The following PDE1C variants were observed in gnomAD, a reference collection of about 807,000 sequenced individuals.
PDE1C encodes the protein dual specificity calcium/calmodulin-dependent 3',5'-cyclic nucleotide phosphodiesterase 1C.
A neutral mutation model predicts 93.1 loss-of-function variants in PDE1C; 62 were observed. That is an observed-to-expected ratio of 0.67 (90% CI 0.54 to 0.82). The LOEUF is 0.82. Ranked by LOEUF, PDE1C falls within the 40% of genes least tolerant of loss-of-function variation. The pLI is 0.00. For synonymous variants in PDE1C, 325 were observed against 310.1 expected (o/e 1.05, Z -0.50); for missense variants, 742 against 884.6 (o/e 0.84, Z 2.04).
At chr7:31,977,041 C>T (rs1181012508) in intron 2 of PDE1C, among the ~76,000 whole-genome samples, 4 of 152,164 alleles carry the variant, frequency 2.6e-5, no homozygotes, top group East Asian at 3.9e-4. Flanking sequence ...TTTAACAAGC[C>T]TTTCAATGAT....
intron 1 of PDE1C, among the ~76,000 whole-genome samples, chr7:32,322,512 G>A (rs368722911): frequency 6.6e-6 from 1 of 152,210 alleles, no homozygotes; most frequent in African/African-American, 2.4e-5. Flanking sequence ...CCTGAGGCAG[G>A]AGAATCACTT....
At chr7:31,648,381 G>C in the PDE1C span, among the ~76,000 whole-genome samples, 1 of 152,008 alleles carries the variant, frequency 6.6e-6, no homozygotes, top group Non-Finnish European at 1.5e-5. Flanking sequence ...ATTTTTGAGG[G>C]TTTTTATTTA....
At chr7:31,838,035 T>G (rs1293491968) in intron 9 of PDE1C, 64 bp from the exon 10 acceptor site, 11 of 1,077,632 alleles carry the variant, frequency 1.0e-5, no homozygotes, top group Admixed American at 1.9e-5. Context: ...AAATCAGTGT[T>G]TTTTTTTTGC....
At chr7:31,964,464 C>T (rs2129037867) in intron 2 of PDE1C, among the ~76,000 whole-genome samples, 1 of 152,378 alleles carries the variant, frequency 6.6e-6, no homozygotes, top group South Asian at 2.1e-4. Context: ...CTGGGAAGCT[C>T]AAACTGGGTG....
At position 32,148,429 on chromosome 7, in the gene PDE1C, G is replaced by A. The variant is rs376745709; in HGVS notation, c.308+21356C>T. On this transcript the variant is annotated intron_variant, in intron 3 of 18. Coordinates refer to the PDE1C transcript ENST00000396193. The stretch of plus-strand genomic sequence containing the variant: ...TACACTTACAGTGTATCTCAATTTG[G>A]CAGATAAGTTTTCATCAGAAAGACT... Among the ~76,000 whole-genome samples, 4 of 152,074 alleles carry A rather than the reference G, an allele frequency of 2.6e-5. No homozygotes were observed. The East Asian group carries it at 5.8e-4, about 22-fold the overall frequency.
chr7:31,895,810 T>A (rs183714129), intron 2 of PDE1C, among the ~76,000 whole-genome samples: 1 of 152,140 alleles, frequency 6.6e-6, no homozygotes, highest in Non-Finnish European at 1.5e-5. Context: ...CCCCTGCACA[T>A]GCTCTCTTGC....
At chr7:31,671,537 GCTCTCAGCTGT>G in the PDE1C span, among the ~76,000 whole-genome samples, 6 of 152,124 alleles carry the variant, frequency 3.9e-5, no homozygotes, top group East Asian at 1.2e-3. Flanking sequence ...AGGTCCACTA[GCTCTCAGCTGT>G]CAGTCACCTG....
At chr7:31,878,107 C>G in intron 4 of PDE1C, 71 bp from the exon 5 acceptor site, 1 of 1,048,294 alleles carries the variant, frequency 9.5e-7, no homozygotes, top group South Asian at 1.4e-5. Flanking sequence ...CAGACTCATA[C>G]CAAGTATTGA....
chr7:32,410,330 T>G (rs1785141424), intron 1 of PDE1C, among the ~76,000 whole-genome samples: 1 of 134,748 alleles, frequency 7.4e-6, no homozygotes, highest in South Asian at 2.3e-4. Context: ...GACCCGCATC[T>G]CTGAATTTAA....
chr7:31,801,347 A>C (rs1786010284), intron 16 of PDE1C, among the ~76,000 whole-genome samples: 1 of 151,450 alleles, frequency 6.6e-6, no homozygotes, highest in Admixed American at 6.6e-5. Context: ...CTTTCAATTT[A>C]ATTCTATCAT....
the PDE1C span, chr7:31,643,270 C>T: frequency 1.2e-6 from 2 of 1,613,812 alleles, no homozygotes; most frequent in Admixed American, 1.7e-5. Flanking sequence ...CCACAGCTTA[C>T]TCGTACCAGA....
At chr7:31,955,015 G>GTGAATTT (rs1240731535) in intron 2 of PDE1C, among the ~76,000 whole-genome samples, 1 of 152,130 alleles carries the variant, frequency 6.6e-6, no homozygotes, top group Non-Finnish European at 1.5e-5. Context: ...GTCTCAAAAT[G>GTGAATTT]TGAATAAATA....
intron 1 of PDE1C, among the ~76,000 whole-genome samples, chr7:32,424,148 A>G (rs1360339675): frequency 6.6e-6 from 1 of 152,240 alleles, no homozygotes; most frequent in African/African-American, 2.4e-5. Context: ...AGACAAACCT[A>G]GAAAACATCT....
chr7:31,973,165 G>GA (rs1264701852), intron 2 of PDE1C, among the ~76,000 whole-genome samples: 1 of 151,606 alleles, frequency 6.6e-6, no homozygotes, highest in Non-Finnish European at 1.5e-5. Flanking sequence ...TGTGACAGAG[G>GA]AAAAAAAATA....
At chr7:32,261,902 T>C (rs1810229707) in intron 1 of PDE1C, among the ~76,000 whole-genome samples, 1 of 151,992 alleles carries the variant, frequency 6.6e-6, no homozygotes, top group South Asian at 2.1e-4. Flanking sequence ...AAAACACTAA[T>C]GGGCTAAAAT....
At chr7:32,203,527 C>A (rs1271148551) in intron 2 of PDE1C, among the ~76,000 whole-genome samples, 1 of 152,186 alleles carries the variant, frequency 6.6e-6, no homozygotes, top group African/African-American at 2.4e-5. Flanking sequence ...CCGCCCCTTG[C>A]TTCACTCCCC....
At chr7:32,193,023 T>C (rs900681828) in intron 2 of PDE1C, among the ~76,000 whole-genome samples, 1 of 152,200 alleles carries the variant, frequency 6.6e-6, no homozygotes, top group Non-Finnish European at 1.5e-5. Flanking sequence ...GTGCTAGAAC[T>C]CATTTATTAG....
intron 3 of PDE1C, among the ~76,000 whole-genome samples, chr7:32,098,743 C>A (rs1033831351): frequency 2.0e-5 from 3 of 152,196 alleles, no homozygotes; most frequent in African/African-American, 7.2e-5. Flanking sequence ...CTTGGGCCTG[C>A]AGCAGGCCTT....
chr7:32,299,304 C>A (rs1031261439), exon 1 of PDE1C: 7 of 985,548 alleles, frequency 7.1e-6, no homozygotes, highest in Non-Finnish European at 8.4e-6. Flanking sequence ...GAGATGTTGC[C>A]GAAGTTTACT....
Sources: allele counts gnomAD v4.1 joint callset (sites outside exome capture counted in the v4.1 genomes callset), GRCh38; gene constraint gnomAD v4.1.1; transcripts MANE v1.5; gene names NCBI Gene and HGNC (gene_info 2026-07-23, HGNC 2026-07-21).